Variants in XKR6 observed in about 807,000 individuals in gnomAD.
XKR6 encodes XK related 6.
Under a neutral mutation model 56.7 loss-of-function variants are expected in XKR6, and 22 were observed. The observed-to-expected ratio is 0.39, with a 90% CI of 0.28 to 0.55. The LOEUF (loss-of-function observed/expected upper bound fraction) is 0.55. XKR6 is among the 20% of genes least tolerant of loss of function. XKR6 has a pLI of 0.66. For missense variants in XKR6, 852 were observed against 889.0 expected, an observed-to-expected ratio of 0.96 and a Z score of 0.53; for synonymous variants, 524 against 387.8, an observed-to-expected ratio of 1.35 and a Z score of -4.13.
chr8:11,140,726 T>C (rs900424982), intron 1 of XKR6, among the ~76,000 whole-genome samples: 2 of 151,506 alleles, frequency 1.3e-5, no homozygotes, highest in African/African-American at 4.9e-5. Flanking sequence ...TGAAACCCGG[T>C]CTCTACTAAA....
At chr8:11,079,940 C>T (rs1239556826) in intron 1 of XKR6, among the ~76,000 whole-genome samples, 1 of 152,056 alleles carries the variant, frequency 6.6e-6, no homozygotes, top group African/African-American at 2.4e-5. Flanking sequence ...TGCACTCCAA[C>T]CTGGGCAACA....
intron 1 of XKR6, among the ~76,000 whole-genome samples, chr8:10,971,525 C>A (rs533107725): frequency 6.6e-6 from 1 of 152,032 alleles, no homozygotes; most frequent in Non-Finnish European, 1.5e-5. Context: ...GATCAATATT[C>A]CAGAGGGATC....
intron 1 of XKR6, among the ~76,000 whole-genome samples, chr8:11,077,884 C>T (rs1021634036): frequency 6.6e-6 from 1 of 152,170 alleles, no homozygotes; most frequent in African/African-American, 2.4e-5. Context: ...CCCAGGGGAT[C>T]CACAGAAGAG....
At chr8:10,967,466 G>T (rs554981945) in intron 1 of XKR6, among the ~76,000 whole-genome samples, 4 of 152,214 alleles carry the variant, frequency 2.6e-5, no homozygotes, top group Non-Finnish European at 5.9e-5. Flanking sequence ...GGCTGGGGCT[G>T]CCCGAAGAGG....
At chr8:10,968,970 C>T (rs1439049511) in intron 1 of XKR6, among the ~76,000 whole-genome samples, 1 of 152,158 alleles carries the variant, frequency 6.6e-6, no homozygotes, top group Non-Finnish European at 1.5e-5. Context: ...GGCCTATTTT[C>T]CACCTAAAAG....
At chr8:10,990,318 C>G (rs1481511566) in intron 1 of XKR6, among the ~76,000 whole-genome samples, 2 of 152,138 alleles carry the variant, frequency 1.3e-5, no homozygotes, top group Non-Finnish European at 2.9e-5. Context: ...GAAGTTGGGG[C>G]TGGGGTACTG....
chr8:11,097,956 C>A (rs1415318174), intron 1 of XKR6, among the ~76,000 whole-genome samples: 1 of 151,506 alleles, frequency 6.6e-6, no homozygotes, highest in Non-Finnish European at 1.5e-5. Context: ...AAAATAATCA[C>A]ATGCCCATCA....
At chr8:10,973,070 T>C (rs1802454771) in intron 1 of XKR6, among the ~76,000 whole-genome samples, 1 of 152,196 alleles carries the variant, frequency 6.6e-6, no homozygotes, top group South Asian at 2.1e-4. Flanking sequence ...ACGATTAGCC[T>C]CTTCAAGAGT....
rs111811784 is a variant in XKR6 at position 11,153,722 on chromosome 8, G to C, written c.764+46854C>G. Among the ~76,000 whole-genome samples, 840 of 152,266 alleles carry C rather than the reference G, an allele frequency of 5.5e-3. 7 individuals carry two copies. The highest frequency in any genetic ancestry group is 0.019 in the African/African-American group (782 of 41,558). On this transcript the variant is annotated intron_variant, in intron 1 of 2. Transcript: ENST00000416569. Reference sequence around the variant, plus strand: ...GGACAACTGACTTTTGAATATCTCAGTAATGAGATCTCCATTCTTTGATCT... The same window carrying C: ...GGACAACTGACTTTTGAATATCTCACTAATGAGATCTCCATTCTTTGATCT...
At chr8:10,921,464 G>C (rs1800715794) in intron 2 of XKR6, among the ~76,000 whole-genome samples, 1 of 152,218 alleles carries the variant, frequency 6.6e-6, no homozygotes, top group African/African-American at 2.4e-5. Flanking sequence ...CCTGGCCCTG[G>C]AAATGATAAA....
At chr8:10,977,497 T>C (rs75641538) in intron 1 of XKR6, among the ~76,000 whole-genome samples, 3,463 of 151,654 alleles carry the variant, frequency 0.023, 128 homozygotes, top group African/African-American at 0.079. Flanking sequence ...TGAGACTAAA[T>C]TACAACCCTG....
intron 1 of XKR6, among the ~76,000 whole-genome samples, chr8:10,976,999 C>T (rs946022417): frequency 4.6e-5 from 7 of 152,072 alleles, no homozygotes; most frequent in Admixed American, 1.3e-4. Flanking sequence ...ACCACAACAC[C>T]GAGGCCAGGA....
intron 1 of XKR6, among the ~76,000 whole-genome samples, chr8:11,025,083 C>G (rs1033380600): frequency 2.6e-5 from 4 of 152,180 alleles, no homozygotes; most frequent in South Asian, 4.1e-4. Context: ...TTCTACGAGG[C>G]CTTGGAGCCG....
At chr8:10,989,323 G>C (rs1056064712) in intron 1 of XKR6, among the ~76,000 whole-genome samples, 2 of 152,210 alleles carry the variant, frequency 1.3e-5, no homozygotes, top group African/African-American at 4.8e-5. Context: ...TGAATTGTCT[G>C]TAAGAAAACA....
At chr8:11,017,182 T>C (rs997474430) in intron 1 of XKR6, among the ~76,000 whole-genome samples, 25 of 152,204 alleles carry the variant, frequency 1.6e-4, no homozygotes, top group Admixed American at 1.6e-3. Flanking sequence ...AGAGATGATA[T>C]ATAACATTGT....
intron 1 of XKR6, among the ~76,000 whole-genome samples, chr8:11,083,926 T>TA (rs775659258): frequency 2.8e-3 from 416 of 146,046 alleles, no homozygotes; most frequent in East Asian, 8.1e-3. Context: ...GCTGTTTCGT[T>TA]AAAAAAAAAA....
chr8:10,923,142 T>C (rs915937915), intron 2 of XKR6, among the ~76,000 whole-genome samples: 3 of 152,228 alleles, frequency 2.0e-5, no homozygotes, highest in Non-Finnish European at 2.9e-5. Context: ...AAACAGAGGT[T>C]GTGGCTGCCT....
intron 1 of XKR6, among the ~76,000 whole-genome samples, chr8:11,132,080 T>G (rs969662769): frequency 6.6e-6 from 1 of 152,116 alleles, no homozygotes; most frequent in Non-Finnish European, 1.5e-5. Context: ...ACTGCTGCAC[T>G]CCACTGACCC....
At chr8:11,032,495 A>T (rs1466436928) in intron 1 of XKR6, among the ~76,000 whole-genome samples, 1 of 152,182 alleles carries the variant, frequency 6.6e-6, no homozygotes, top group African/African-American at 2.4e-5. Flanking sequence ...GAGGTTGGGG[A>T]TAAGAAAAAA....
Sources: allele counts gnomAD v4.1 joint callset (sites outside exome capture counted in the v4.1 genomes callset), GRCh38; gene constraint gnomAD v4.1.1; transcripts MANE v1.5; gene names NCBI Gene and HGNC (gene_info 2026-07-23, HGNC 2026-07-21).